SMIM13: variants seen among roughly 807,000 people sequenced by gnomAD.
The protein encoded by SMIM13 is UPF0766 protein C6orf228.
In SMIM13, 3 loss-of-function variants were observed where a neutral mutation model predicts 5.9. That is an observed-to-expected ratio of 0.51 (90% CI 0.23 to 1.31). SMIM13 has a LOEUF of 1.31. Among genes scored for constraint, SMIM13 ranks in the 40% most tolerant of loss-of-function variants. SMIM13 has a pLI of 0.18. For missense variants in SMIM13, 85 were observed against 109.9 expected, an observed-to-expected ratio of 0.77 and a Z score of 1.01; for synonymous variants, 55 against 46.0, an observed-to-expected ratio of 1.19 and a Z score of -0.79.
At chr6:11,116,790 T>C (rs1342293479) in intron 1 of SMIM13, among the ~76,000 whole-genome samples, 3 of 152,124 alleles carry the variant, frequency 2.0e-5, no homozygotes, top group African/African-American at 7.2e-5. Flanking sequence ...TTTGGTTTAA[T>C]TGATTGTTTT....
intron 1 of SMIM13, among the ~76,000 whole-genome samples, chr6:11,107,874 A>G (rs1758110244): frequency 6.6e-6 from 1 of 152,246 alleles, no homozygotes. Flanking sequence ...GCTGAAGAGG[A>G]AACTGCCTTC....
chr6:11,126,276 C>G (rs1005992415), intron 1 of SMIM13, among the ~76,000 whole-genome samples: 22 of 152,230 alleles, frequency 1.4e-4, no homozygotes, highest in Admixed American at 1.0e-3. Context: ...TCTCAAACTC[C>G]TGACCTCGTG....
At chr6:11,116,246 G>T (rs1758238592) in intron 1 of SMIM13, among the ~76,000 whole-genome samples, 1 of 151,788 alleles carries the variant, frequency 6.6e-6, no homozygotes, top group Non-Finnish European at 1.5e-5. Flanking sequence ...CTCAAACTCT[G>T]GGCCTCAGGT....
intron 1 of SMIM13, among the ~76,000 whole-genome samples, chr6:11,130,762 G>T (rs1001481727): frequency 2.0e-5 from 3 of 152,106 alleles, no homozygotes; most frequent in Non-Finnish European, 4.4e-5. Context: ...AGCTACAGCT[G>T]TCCTTAGTTC....
chr6:11,103,587 G>T, intron 1 of SMIM13: 1 of 1,441,864 alleles, frequency 6.9e-7, no homozygotes, highest in South Asian at 1.5e-5. Flanking sequence ...TGTCAGGGCA[G>T]GATGGCTCTG....
At chr6:11,129,172 T>G (rs989223180) in intron 1 of SMIM13, among the ~76,000 whole-genome samples, 1 of 151,990 alleles carries the variant, frequency 6.6e-6, no homozygotes, top group Non-Finnish European at 1.5e-5. Context: ...ATCAACCTCT[T>G]TTCATCCGCT....
intron 1 of SMIM13, among the ~76,000 whole-genome samples, chr6:11,100,591 C>T (rs988171064): frequency 2.0e-5 from 3 of 152,080 alleles, no homozygotes; most frequent in Admixed American, 6.5e-5. Flanking sequence ...TTTCAGTTTC[C>T]ATTCTTTTTT....
intron 1 of SMIM13, among the ~76,000 whole-genome samples, chr6:11,132,502 A>T (rs1485899492): frequency 1.3e-5 from 2 of 152,250 alleles, no homozygotes; most frequent in African/African-American, 4.8e-5. Context: ...TTCTTATAAT[A>T]GCCAAAAGTA....
chr6:11,119,654 C>CA lies in SMIM13; in HGVS notation c.77-14742dup, dbSNP rs145708573. Among the ~76,000 whole-genome samples, 8 of 150,584 alleles carry CA rather than the reference C, an allele frequency of 5.3e-5. No homozygotes were observed. The East Asian group carries it at 1.2e-3, about 22-fold the overall frequency. ...GGACGACAGAGCGAGACTCCATCTC[C>CA]AAAAAAACAGAAAATTTGGTCCTCA... is the stretch of plus-strand genomic sequence containing the variant. On this transcript the variant is annotated intron_variant, in intron 1 of 1. Coordinates refer to ENST00000416247, the MANE Select transcript of SMIM13 (RefSeq NM_001135575.2).
rs138137838 is a variant in SMIM13 at position 11,126,633 on chromosome 6, T to C, written c.77-7770T>C. Among the ~76,000 whole-genome samples, 293 of 152,336 alleles carry C rather than the reference T, an allele frequency of 1.9e-3. 2 individuals carry two copies. The highest frequency in any genetic ancestry group is 6.8e-3 in the African/African-American group (283 of 41,582). ...TCTGGGAGTGGTCTCTGATGCCTTA[T>C]GTAGTTCATTTGGTGAGGTCGTGTT... On this transcript the variant is annotated intron_variant, in intron 1 of 1. Transcript: ENST00000416247.
At chr6:11,131,760 A>G (rs1000089314) in intron 1 of SMIM13, among the ~76,000 whole-genome samples, 1 of 152,196 alleles carries the variant, frequency 6.6e-6, no homozygotes. Context: ...CCTCTCTTAT[A>G]CCAAAATTAA....
At chr6:11,116,668 G>A (rs527856024) in intron 1 of SMIM13, among the ~76,000 whole-genome samples, 1 of 152,116 alleles carries the variant, frequency 6.6e-6, no homozygotes, top group Admixed American at 6.5e-5. Flanking sequence ...TTCTTAATTA[G>A]CCTTTTAACA....
At chr6:11,096,965 A>G (rs933611591) in intron 1 of SMIM13, among the ~76,000 whole-genome samples, 5 of 152,224 alleles carry the variant, frequency 3.3e-5, no homozygotes, top group African/African-American at 1.2e-4. Context: ...TGCTGGGATT[A>G]CAGGCGTGAG....
At chr6:11,100,624 G>T (rs1757977920) in intron 1 of SMIM13, among the ~76,000 whole-genome samples, 1 of 152,040 alleles carries the variant, frequency 6.6e-6, no homozygotes. Flanking sequence ...TTTTCTAGTA[G>T]CTTTCTAGGA....
At chr6:11,103,929 C>T in intron 1 of SMIM13, 2 of 1,551,652 alleles carry the variant, frequency 1.3e-6, no homozygotes, top group Non-Finnish European at 1.7e-6. Flanking sequence ...TTCCCGTAAA[C>T]TGGAGGCTTG....
chr6:11,120,112 C>T (rs1042613101), intron 1 of SMIM13, among the ~76,000 whole-genome samples: 1 of 152,198 alleles, frequency 6.6e-6, no homozygotes, highest in African/African-American at 2.4e-5. Context: ...AGCCAGTCAA[C>T]TAGCTACTTA....
intron 1 of SMIM13, among the ~76,000 whole-genome samples, chr6:11,118,101 C>T (rs1561757251): frequency 6.6e-6 from 1 of 152,188 alleles, no homozygotes; most frequent in South Asian, 2.1e-4. Flanking sequence ...GAACTCCTGA[C>T]CTCAGGTCAT....
At chr6:11,125,333 C>T (rs556964071) in intron 1 of SMIM13, among the ~76,000 whole-genome samples, 4 of 148,246 alleles carry the variant, frequency 2.7e-5, no homozygotes, top group East Asian at 2.0e-4. Flanking sequence ...TGGTGGCTCA[C>T]GCCTGTAATT....
At chr6:11,123,374 C>T (rs1758335934) in intron 1 of SMIM13, among the ~76,000 whole-genome samples, 2 of 152,188 alleles carry the variant, frequency 1.3e-5, no homozygotes, top group South Asian at 2.1e-4. Context: ...AGTAAATTCC[C>T]CTTTTTTTGT....
Sources: gnomAD v4.1 joint callset for allele counts (sites outside exome capture counted in the v4.1 genomes callset) on GRCh38, gnomAD v4.1.1 for gene constraint, MANE v1.5 for transcripts, NCBI Gene and HGNC (gene_info 2026-07-23, HGNC 2026-07-21) for gene names.